Variants in RCC1L observed in about 807,000 individuals in gnomAD.
The protein encoded by RCC1L is RCC1-like G exchanging factor-like protein.
Under a neutral mutation model 58.6 loss-of-function variants are expected in RCC1L, and 46 were observed. The observed-to-expected ratio is 0.79, with a 90% CI of 0.62 to 1.00. RCC1L has a LOEUF of 1.00. RCC1L is among the 50% of genes least tolerant of loss of function. The probability of loss-of-function intolerance (pLI) is 0.00; values close to 1 mark genes in which losing one functional copy is unlikely to be tolerated. For synonymous variants in RCC1L, 281 were observed against 262.9 expected, an observed-to-expected ratio of 1.07 and a Z score of -0.67; for missense variants, 636 against 623.6, an observed-to-expected ratio of 1.02 and a Z score of -0.21.
intron 3 of RCC1L, 194 bp from the exon 4 acceptor site, chr7:75,064,842 C>T: frequency 1.5e-6 from 1 of 650,008 alleles, no homozygotes; most frequent in Non-Finnish European, 2.8e-6. Flanking sequence ...CTAGACCCGC[C>T]TTCCCCTCCT....
intron 4 of RCC1L, 147 bp from the exon 5 acceptor site, chr7:75,063,490 CG>C (rs1258391060): frequency 4.6e-6 from 4 of 867,134 alleles, no homozygotes; most frequent in Non-Finnish European, 7.8e-6. Flanking sequence ...AATCTTAGGT[CG>C]AGTCAGGCCT....
intron 10 of RCC1L, among the ~76,000 whole-genome samples, chr7:75,050,883 G>A (rs1584493126): frequency 6.6e-6 from 1 of 152,072 alleles, no homozygotes; most frequent in Non-Finnish European, 1.5e-5. Flanking sequence ...CTTGAAGCCG[G>A]AAGTTTGAGA....
intron 6 of RCC1L, 122 bp downstream of exon 6, chr7:75,061,085 G>T: frequency 2.4e-6 from 2 of 846,712 alleles, no homozygotes; most frequent in Non-Finnish European, 4.1e-6. Context: ...CTCAGAAAGT[G>T]ATAAGAGGTA....
chr7:75,041,676 T>C (rs1270285197), downstream of RCC1L, among the ~76,000 whole-genome samples: 15 of 151,782 alleles, frequency 9.9e-5, no homozygotes, highest in African/African-American at 3.6e-4. Flanking sequence ...CTGGCCAACG[T>C]GGTGAAACCC....
chr7:75,038,436 T>G (rs1805475267), downstream of RCC1L, among the ~76,000 whole-genome samples: 1 of 151,994 alleles, frequency 6.6e-6, no homozygotes, highest in Admixed American at 6.6e-5. Flanking sequence ...ATTTGTGTTT[T>G]TATTTATTTA....
intron 3 of RCC1L, among the ~76,000 whole-genome samples, chr7:75,064,983 C>T (rs996898561): frequency 1.3e-5 from 2 of 152,098 alleles, no homozygotes; most frequent in African/African-American, 4.8e-5. Flanking sequence ...TCTGCCCTGT[C>T]TGGGAAGTGA....
At chr7:75,060,363 C>A (rs1806233744) in intron 6 of RCC1L, among the ~76,000 whole-genome samples, 2 of 152,246 alleles carry the variant, frequency 1.3e-5, no homozygotes, top group Admixed American at 1.3e-4. Flanking sequence ...CCAGGGGTTA[C>A]CCCCATACCA....
chr7:75,050,128 A>G (rs1202240313), intron 10 of RCC1L, among the ~76,000 whole-genome samples: 1 of 152,028 alleles, frequency 6.6e-6, no homozygotes, highest in Non-Finnish European at 1.5e-5. Context: ...TTTAAAAAGC[A>G]AATGATAGCC....
intron 10 of RCC1L, among the ~76,000 whole-genome samples, chr7:75,044,620 A>T (rs1340875752): frequency 4.6e-5 from 7 of 150,640 alleles, no homozygotes; most frequent in African/African-American, 1.7e-4. Context: ...AAAAAAAAAA[A>T]AAAGTCTTTC....
At chr7:75,036,436 T>A (rs1207210541) in intron 10 of RCC1L, among the ~76,000 whole-genome samples, 2 of 151,946 alleles carry the variant, frequency 1.3e-5, no homozygotes, top group African/African-American at 2.4e-5. Flanking sequence ...GTCCCTCTTA[T>A]GAACATCATT....
intron 2 of RCC1L, among the ~76,000 whole-genome samples, 175 bp downstream of exon 2, chr7:75,070,465 G>A (rs769547945): frequency 6.6e-6 from 1 of 152,050 alleles, no homozygotes; most frequent in Non-Finnish European, 1.5e-5. Context: ...CAGCTACTCG[G>A]GAGGCTGAGG....
intron 10 of RCC1L, among the ~76,000 whole-genome samples, chr7:75,047,467 T>C (rs1805760680): frequency 6.6e-6 from 1 of 152,066 alleles, no homozygotes; most frequent in Non-Finnish European, 1.5e-5. Context: ...CTCACTATGT[T>C]GCCCAGGCTG....
chr7:75,056,057 C>CA lies in RCC1L; in HGVS notation c.1074dup (p.Val359CysfsTer20), dbSNP rs782665507. On this transcript the variant is annotated frameshift_variant, in exon 9 of 11. Coordinates refer to ENST00000610322, the MANE Select transcript of RCC1L (RefSeq NM_030798.5). LOFTEE classifies it high-confidence loss of function. Reference sequence around the variant, plus strand: ...TTCCCAAGAATTCCATAGCCCCAGACAAAAACATGTCCTTCTCCTACATTA... The same window carrying CA: ...TTCCCAAGAATTCCATAGCCCCAGACAAAAAACATGTCCTTCTCCTACATTA... 2.5e-6 allele frequency: 4 copies of CA among 1,613,898 alleles called. No homozygotes were observed. The South Asian group carries it at 4.4e-5, about 18-fold the overall frequency.
chr7:75,055,713 G>A, intron 9 of RCC1L, 188 bp downstream of exon 9: 1 of 677,896 alleles, frequency 1.5e-6, no homozygotes, highest in Non-Finnish European at 2.6e-6. Flanking sequence ...ACTCCAGGGG[G>A]GGAAAACAAG....
chr7:75,065,690 G>C (rs1806447654), intron 3 of RCC1L, among the ~76,000 whole-genome samples: 1 of 152,178 alleles, frequency 6.6e-6, no homozygotes, highest in South Asian at 2.1e-4. Context: ...TAGAGTATGT[G>C]TTAGCAAATA....
intron 2 of RCC1L, among the ~76,000 whole-genome samples, chr7:75,069,710 C>T (rs907046123): frequency 1.3e-5 from 2 of 152,028 alleles, no homozygotes; most frequent in Admixed American, 6.6e-5. Flanking sequence ...TATACAGGTG[C>T]GTGCCACCAT....
Position 75,073,571 on chromosome 7 carries a change from G to A in RCC1L, c.167C>T (p.Ala56Val). 3 of 1,510,950 alleles carry A rather than the reference G, an allele frequency of 2.0e-6. No individual in the cohort carries two copies. Among genetic ancestry groups the A allele is most frequent in the Admixed American group, 2.3e-5 (1 of 43,744 alleles). 93.6% of individuals were successfully genotyped at this position (1,510,950 alleles called of 1,614,324 possible). ...CCACACGAAGACGCGATCGGCGCGG[G>A]CAGCGCGCTCGCCCACGTACTGGAC... ...PVVQYVGERA[A>V]RADRVFVWGF... is the part of the protein sequence containing the mutation. Residue 56 changes from alanine to valine, a missense_variant, in exon 1 of 11, where the codon GCC becomes GTC. Physicochemically the swap from Ala to Val is moderately conservative, Grantham distance 64. Coordinates refer to ENST00000610322, the MANE Select transcript of RCC1L (RefSeq NM_030798.5).
intron 7 of RCC1L, chr7:75,058,305 C>T (rs1584497635): frequency 2.5e-6 from 1 of 403,230 alleles, no homozygotes; most frequent in Admixed American, 3.7e-5. Context: ...GGCACGATCT[C>T]AGCTCACTGC....
intron 3 of RCC1L, among the ~76,000 whole-genome samples, chr7:75,066,244 G>A (rs1806476773): frequency 6.6e-6 from 1 of 152,038 alleles, no homozygotes; most frequent in South Asian, 2.1e-4. Flanking sequence ...GAGGTCAGGA[G>A]ATTGAGACCA....
Sources: allele counts gnomAD v4.1 joint callset (sites outside exome capture counted in the v4.1 genomes callset), GRCh38; gene constraint gnomAD v4.1.1; transcripts MANE v1.5; gene names NCBI Gene and HGNC (gene_info 2026-07-23, HGNC 2026-07-21).